The following BLTP3A variants were observed in gnomAD, a reference collection of about 807,000 sequenced individuals.
BLTP3A encodes the protein bridge-like lipid transfer protein family member 3A, also known as ICBP90 binding protein 1.
chr6:34,825,347 G>A, the BLTP3A span, among the ~76,000 whole-genome samples: 68,911 of 150,322 alleles, frequency 0.46, 17,310 homozygotes, highest in African/African-American at 0.68. Context: ...CGCTTTTGTC[G>A]CCCAGGCTGG....
chr6:34,827,130 G>A, the BLTP3A span, among the ~76,000 whole-genome samples: 482 of 152,176 alleles, frequency 3.2e-3, no homozygotes, highest in Non-Finnish European at 5.8e-3. Context: ...GGCCAACATA[G>A]CGAAACCCCA....
the BLTP3A span, among the ~76,000 whole-genome samples, chr6:34,853,321 G>A: frequency 2.0e-5 from 3 of 151,824 alleles, no homozygotes; most frequent in Admixed American, 1.3e-4. Context: ...TAGGACTCCC[G>A]ACTGGGACTA....
chr6:34,798,886 A>G, the BLTP3A span, among the ~76,000 whole-genome samples: 8 of 152,172 alleles, frequency 5.3e-5, no homozygotes, highest in Non-Finnish European at 1.0e-4. Context: ...AGGAGGGGCT[A>G]TTCTCCAGGC....
the BLTP3A span, chr6:34,835,227 C>T: frequency 1.3e-6 from 2 of 1,536,888 alleles, no homozygotes; most frequent in Non-Finnish European, 1.8e-6. Flanking sequence ...ACTGATTGGG[C>T]AACAGTCACT....
the BLTP3A span, chr6:34,859,541 T>G: frequency 7.5e-5 from 121 of 1,614,046 alleles, no homozygotes; most frequent in Admixed American, 8.5e-4. Flanking sequence ...ACCTCCACCA[T>G]GCACAAGATG....
the BLTP3A span, chr6:34,859,494 G>A: frequency 3.7e-6 from 6 of 1,614,058 alleles, no homozygotes; most frequent in Middle Eastern, 1.6e-4. Context: ...CTGTGTCCCT[G>A]ACTAAGGATG....
chr6:34,796,795 C>CA, the BLTP3A span, among the ~76,000 whole-genome samples: 10 of 152,216 alleles, frequency 6.6e-5, no homozygotes, highest in African/African-American at 2.4e-4. Context: ...CCTCTGCCCC[C>CA]CCGAGTTCAA....
chr6:34,857,441 A>G, the BLTP3A span: 4 of 1,614,162 alleles, frequency 2.5e-6, no homozygotes, highest in South Asian at 2.2e-5. Flanking sequence ...TTCACAGAGT[A>G]TTACTTCCCA....
the BLTP3A span, chr6:34,858,354 G>A: frequency 6.2e-7 from 1 of 1,613,890 alleles, no homozygotes. Context: ...TGCTTTTTTT[G>A]CATCATGCCT....
the BLTP3A span, among the ~76,000 whole-genome samples, chr6:34,815,942 G>A: frequency 2.8e-4 from 42 of 152,124 alleles, no homozygotes; most frequent in Middle Eastern, 3.2e-3. Flanking sequence ...AACCGTGCCC[G>A]GCCTGCATTT....
At chr6:34,816,887 G>GA in the BLTP3A span, among the ~76,000 whole-genome samples, 1 of 152,174 alleles carries the variant, frequency 6.6e-6, no homozygotes, top group Non-Finnish European at 1.5e-5. Flanking sequence ...TAGTACTTCT[G>GA]AACTATGCCC....
the BLTP3A span, among the ~76,000 whole-genome samples, chr6:34,849,035 G>A: frequency 1.5e-5 from 2 of 133,380 alleles, no homozygotes; most frequent in African/African-American, 2.9e-5. Context: ...GTCTTGCTCT[G>A]TCACCCAGGT....
the BLTP3A span, among the ~76,000 whole-genome samples, chr6:34,845,110 C>G: frequency 6.6e-6 from 1 of 152,070 alleles, no homozygotes; most frequent in Non-Finnish European, 1.5e-5. Flanking sequence ...TTGAAAAGAC[C>G]ATCCTTTCCC....
the BLTP3A span, chr6:34,792,437 G>T: frequency 1.2e-6 from 1 of 824,204 alleles, no homozygotes; most frequent in Non-Finnish European, 1.7e-6. Context: ...CCTAACTCGA[G>T]CCCGGACAGC....
chr6:34,825,178 T>C, the BLTP3A span, among the ~76,000 whole-genome samples: 2 of 152,248 alleles, frequency 1.3e-5, no homozygotes, highest in Non-Finnish European at 2.9e-5. Context: ...CAAGGTATCA[T>C]TGAAAATGTT....
At chr6:34,822,832 A>C in the BLTP3A span, among the ~76,000 whole-genome samples, 21,866 of 151,132 alleles carry the variant, frequency 0.14, 1,932 homozygotes, top group African/African-American at 0.24. Context: ...CTGGGTGATA[A>C]GAGTAAGACT....
At chr6:34,802,433 G>A in the BLTP3A span, among the ~76,000 whole-genome samples, 3 of 150,844 alleles carry the variant, frequency 2.0e-5, no homozygotes, top group South Asian at 2.1e-4. Context: ...GTAATGGTGC[G>A]ATCTCGGCTC....
the BLTP3A span, chr6:34,855,739 A>T: frequency 1.2e-6 from 2 of 1,612,078 alleles, no homozygotes; most frequent in Admixed American, 1.7e-5. Context: ...ATTCTCGCAT[A>T]GCCCAAAATA....
At chr6:34,845,339 T>C in the BLTP3A span, among the ~76,000 whole-genome samples, 1,288 of 152,246 alleles carry the variant, frequency 8.5e-3, 19 homozygotes, top group African/African-American at 0.027. Context: ...CTGTTTTTGT[T>C]TGTTTGTTTG....
Sources: allele counts gnomAD v4.1 joint callset (sites outside exome capture counted in the v4.1 genomes callset), GRCh38; gene constraint gnomAD v4.1.1; transcripts MANE v1.5; gene names NCBI Gene and HGNC (gene_info 2026-07-23, HGNC 2026-07-21).